Variants in ATP2B2 observed in about 807,000 individuals in gnomAD.
ATP2B2 encodes plasma membrane calcium-transporting ATPase 2.
Under a neutral mutation model 120.0 loss-of-function variants are expected in ATP2B2, and 15 were observed. The ratio of observed to expected loss-of-function variants is 0.12; its 90% CI spans 0.08 to 0.19. ATP2B2 has a LOEUF of 0.19. ATP2B2 is among the 10% of genes least tolerant of loss of function. The probability of loss-of-function intolerance (pLI) is 1.00; values close to 1 mark genes in which losing one functional copy is unlikely to be tolerated. For synonymous variants in ATP2B2, 694 were observed against 700.3 expected, an observed-to-expected ratio of 0.99 and a Z score of 0.14; for missense variants, 1,045 against 1,719.8, an observed-to-expected ratio of 0.61 and a Z score of 6.94.
intron 1 of ATP2B2, among the ~76,000 whole-genome samples, chr3:10,466,511 G>A (rs943295557): frequency 6.6e-6 from 1 of 152,144 alleles, no homozygotes; most frequent in Non-Finnish European, 1.5e-5. Context: ...TACCTGGAGT[G>A]GGGGTCTTAG....
At chr3:10,611,531 C>T (rs1476231483) in intron 2 of ATP2B2, among the ~76,000 whole-genome samples, 3 of 152,116 alleles carry the variant, frequency 2.0e-5, no homozygotes, top group African/African-American at 7.2e-5. Context: ...GGTCAAGGAG[C>T]TCCCTGAGCC....
At chr3:10,654,333 C>T (rs554498772) in intron 1 of ATP2B2, among the ~76,000 whole-genome samples, 2 of 152,184 alleles carry the variant, frequency 1.3e-5, no homozygotes, top group South Asian at 4.2e-4. Flanking sequence ...ATCTTGTAAC[C>T]CAGGGCCTAC....
At chr3:10,365,635 G>A (rs987822253) in intron 12 of ATP2B2, among the ~76,000 whole-genome samples, 2 of 151,294 alleles carry the variant, frequency 1.3e-5, no homozygotes, top group Admixed American at 6.6e-5. Flanking sequence ...TCTGTGGTGT[G>A]TGTATATGTG....
At chr3:10,398,492 A>G (rs1406022313) in intron 5 of ATP2B2, among the ~76,000 whole-genome samples, 1 of 152,168 alleles carries the variant, frequency 6.6e-6, no homozygotes, top group African/African-American at 2.4e-5. Context: ...ATGACTGGGA[A>G]TCCTGCCAAA....
At chr3:10,388,052 C>T (rs1412423680) in intron 6 of ATP2B2, 2 of 573,070 alleles carry the variant, frequency 3.5e-6, no homozygotes, top group Non-Finnish European at 3.1e-6. Flanking sequence ...AAGGAGGGGC[C>T]TCCATGACAT....
chr3:10,517,917 G>T lies in ATP2B2; in HGVS notation c.-320+16122C>A, dbSNP rs1248246840. Among the ~76,000 whole-genome samples the T allele has an allele frequency of 2.0e-5, 3 of 152,198 alleles. No individual in the cohort carries two copies. The East Asian group carries it at 5.8e-4, about 29-fold the overall frequency. On this transcript the variant is annotated intron_variant, in intron 3 of 21. Transcript: ENST00000646379. ...GCTGCAGATAGGATGACCTCACACA[G>T]TGTGGGAAATGGCAGTAGACAGACG...
chr3:10,365,473 G>A (rs146070762), intron 12 of ATP2B2, among the ~76,000 whole-genome samples: 2 of 152,188 alleles, frequency 1.3e-5, no homozygotes, highest in Admixed American at 6.5e-5. Flanking sequence ...TCCCCAGAGT[G>A]GGGGAGGGCA....
chr3:10,593,888 CA>C (rs1312535973), intron 2 of ATP2B2, among the ~76,000 whole-genome samples: 1 of 152,100 alleles, frequency 6.6e-6, no homozygotes, highest in African/African-American at 2.4e-5. Context: ...CAAACAACTC[CA>C]TCAACAAGTG....
chr3:10,402,824 C>T lies in ATP2B2; in HGVS notation c.398-476G>A, dbSNP rs895459922. Among the ~76,000 whole-genome samples, 2 of 151,668 alleles carry T rather than the reference C, an allele frequency of 1.3e-5. No homozygotes were observed. Among genetic ancestry groups the T allele is most frequent in the African/African-American group, 4.9e-5 (2 of 40,962 alleles). On this transcript the variant is annotated intron_variant, in intron 3 of 22. Transcript: ENST00000360273. The surrounding 1 kb of genome is among the most constrained non-coding windows in gnomAD (Gnocchi z 4.9). ...TTTAATGTGGTAAAGTTCACAGACT[C>T]TACAGCACAGACAAGGCACAGAGGA... is the stretch of plus-strand genomic sequence containing the variant.
At chr3:10,407,601 A>C (rs1370027115) in intron 3 of ATP2B2, among the ~76,000 whole-genome samples, 1 of 152,126 alleles carries the variant, frequency 6.6e-6, no homozygotes, top group Non-Finnish European at 1.5e-5. Flanking sequence ...CGGGCAGTGG[A>C]CCTCTGAGGA....
Position 10,662,484 on chromosome 3 carries a change from T to G in ATP2B2, c.-459-42523A>C, listed in dbSNP as rs1378372226. Among the ~76,000 whole-genome samples the G allele has an allele frequency of 6.6e-5, 9 of 136,122 alleles. 2 individuals carry two copies. The highest frequency in any genetic ancestry group is 1.0e-4 in the African/African-American group (3 of 29,086). 89.3% of individuals were successfully genotyped at this position (136,122 alleles called of 152,430 possible). On this transcript the variant is annotated intron_variant, in intron 1 of 21. Coordinates refer to the ATP2B2 transcript ENST00000646379. ...GACATTTATGCAGCCAAAAAACACA[T>G]GAAAAAATGCTCATCATCCCTGGCC...
intron 1 of ATP2B2, among the ~76,000 whole-genome samples, chr3:10,467,535 G>C (rs763026496): frequency 3.3e-5 from 5 of 152,216 alleles, no homozygotes; most frequent in African/African-American, 4.8e-5. Context: ...AAAGCTAGCT[G>C]AGTGGGCACG....
intron 4 of ATP2B2, among the ~76,000 whole-genome samples, chr3:10,401,733 T>A (rs2062226743): frequency 6.6e-6 from 1 of 152,248 alleles, no homozygotes; most frequent in African/African-American, 2.4e-5. Context: ...AGGTTTCATC[T>A]AATAAACCCA....
intron 2 of ATP2B2, among the ~76,000 whole-genome samples, chr3:10,616,328 C>G (rs1020447535): frequency 6.6e-6 from 1 of 152,128 alleles, no homozygotes; most frequent in African/African-American, 2.4e-5. Flanking sequence ...CAGACATATT[C>G]AGAAGGTGAG....
chr3:10,595,283 G>A (rs1247958803), intron 2 of ATP2B2, among the ~76,000 whole-genome samples: 3 of 152,190 alleles, frequency 2.0e-5, no homozygotes, highest in Non-Finnish European at 4.4e-5. Context: ...AGGCGTGCTG[G>A]AGGTTCTCAG....
chr3:10,546,363 G>A (rs1415051804), intron 2 of ATP2B2, among the ~76,000 whole-genome samples: 2 of 152,206 alleles, frequency 1.3e-5, no homozygotes, highest in Admixed American at 1.3e-4. Context: ...AATGATGCCT[G>A]TGTGTCCCCC....
At chr3:10,488,483 C>A (rs1457131069) in intron 1 of ATP2B2, among the ~76,000 whole-genome samples, 3 of 100,670 alleles carry the variant, frequency 3.0e-5, no homozygotes, top group African/African-American at 8.2e-5. Context: ...TCCTTCCTTC[C>A]TTCCTTCCTT....
chr3:10,328,898 C>T lies in ATP2B2; in HGVS notation c.3648G>A (p.Gly1216=). The change falls in exon 23 of 23, where the codon GGG becomes GGA. Residue 1216 remains glycine (G), a synonymous_variant. Coordinates refer to ENST00000360273, the MANE Select transcript of ATP2B2 (RefSeq NM_001001331.4). ...TGCTTGTGTCGGTCGTCAGGTTGAT[C>T]CCACTGTCGATGGCGCTGTTGTTCT... ...LNKNNSAIDS[G]INLTTDTSKS... is the part of the protein sequence containing the mutation. The T allele has an allele frequency of 6.2e-7, 1 of 1,613,858 alleles. No individual in the cohort carries two copies. The highest frequency in any genetic ancestry group is 1.1e-5 in the South Asian group (1 of 91,066).
intron 1 of ATP2B2, among the ~76,000 whole-genome samples, chr3:10,633,307 G>T (rs1448737068): frequency 1.3e-5 from 2 of 152,156 alleles, no homozygotes; most frequent in Admixed American, 6.5e-5. Context: ...CTTCCAAAAG[G>T]TTTCCACACC....
Sources: gnomAD v4.1 joint callset for allele counts (sites outside exome capture counted in the v4.1 genomes callset) on GRCh38, gnomAD v4.1.1 for gene constraint, Gnocchi (gnomAD v3.1) non-coding constraint, MANE v1.5 for transcripts, NCBI Gene and HGNC (gene_info 2026-07-23, HGNC 2026-07-21) for gene names.